Variants in CEP76 observed in about 807,000 individuals in gnomAD.
The protein encoded by CEP76 is centrosomal protein of 76 kDa.
CEP76 carries 55 observed loss-of-function variants against 83.3 expected under a neutral mutation model. The ratio of observed to expected loss-of-function variants is 0.66; its 90% CI spans 0.53 to 0.83. The LOEUF is 0.83. Among genes scored for constraint, CEP76 ranks in the 40% least tolerant of loss-of-function variants. The probability of loss-of-function intolerance (pLI) is 0.00; values close to 1 mark genes in which losing one functional copy is unlikely to be tolerated. For synonymous variants in CEP76, 270 were observed against 274.5 expected (o/e 0.98, Z 0.16); for missense variants, 694 against 799.5 (o/e 0.87, Z 1.59).
chr18:12,668,086 G>A (rs1487028434), downstream of CEP76, among the ~76,000 whole-genome samples: 5 of 151,926 alleles, frequency 3.3e-5, no homozygotes, highest in Admixed American at 1.3e-4. Flanking sequence ...CCAACATGGT[G>A]AGACCCTGTC....
chr18:12,687,683 C>T (rs2039591638), intron 7 of CEP76, among the ~76,000 whole-genome samples: 1 of 151,522 alleles, frequency 6.6e-6, no homozygotes, highest in South Asian at 2.1e-4. Flanking sequence ...AAACTCCTGA[C>T]CTCAAGTGAT....
At chr18:12,688,679 C>T (rs941789859) in intron 7 of CEP76, among the ~76,000 whole-genome samples, 3 of 152,190 alleles carry the variant, frequency 2.0e-5, no homozygotes, top group Non-Finnish European at 2.9e-5. Context: ...GAGAAAATCA[C>T]TAACCATTAT....
At chr18:12,702,256 C>A (rs577959912) in intron 1 of CEP76, among the ~76,000 whole-genome samples, 2 of 152,374 alleles carry the variant, frequency 1.3e-5, no homozygotes, top group South Asian at 4.1e-4. Context: ...CAAGACCGCT[C>A]GTTCTATCGC....
rs1568035395 is a variant in CEP76 at position 12,700,963 on chromosome 18, CAAAAT to C, written c.209_213del (p.Asn70SerfsTer3). 6.2e-7 allele frequency: 1 copy of C among 1,612,162 alleles called. No individual in the cohort carries two copies. The highest frequency in any genetic ancestry group is 1.7e-5 in the Admixed American group (1 of 59,808). On this transcript the variant is annotated frameshift_variant, in exon 2 of 12. Transcript: ENST00000262127. LOFTEE classifies it high-confidence loss of function. ...TTCCCTAAAAGATTACTCACAGTAACAAAATTAAGTTCTTTCATCACATCGTCAAT... is the reference window on the plus strand; with the variant it reads ...TTCCCTAAAAGATTACTCACAGTAACTAAGTTCTTTCATCACATCGTCAAT...
chr18:12,677,721 A>C (rs1051279745), intron 10 of CEP76, among the ~76,000 whole-genome samples: 8 of 152,116 alleles, frequency 5.3e-5, no homozygotes, highest in African/African-American at 1.9e-4. Context: ...AGCCTCCCAA[A>C]GTGCTGGGGT....
chr18:12,699,586 C>T (rs1331119804), intron 3 of CEP76, among the ~76,000 whole-genome samples: 2 of 152,140 alleles, frequency 1.3e-5, no homozygotes, highest in African/African-American at 2.4e-5. Context: ...CAAGGCTGTA[C>T]AGTTTTTATA....
At chr18:12,692,298 AGAGT>A in intron 6 of CEP76, 1 of 151,450 alleles carries the variant, frequency 6.6e-6, no homozygotes, top group East Asian at 2.0e-4. Flanking sequence ...CCTGGGCGAT[AGAGT>A]GAGACTCTAT....
chr18:12,686,904 C>T (rs1376526904), intron 7 of CEP76, among the ~76,000 whole-genome samples: 1 of 152,072 alleles, frequency 6.6e-6, no homozygotes, highest in Non-Finnish European at 1.5e-5. Flanking sequence ...TAGTTTGTTT[C>T]CATTAGGGCC....
intron 5 of CEP76, among the ~76,000 whole-genome samples, chr18:12,696,638 T>C (rs759706449): frequency 6.6e-6 from 1 of 152,208 alleles, no homozygotes; most frequent in Non-Finnish European, 1.5e-5. Context: ...AGGTTTTGTT[T>C]TCTCATTTTA....
Position 12,686,395 on chromosome 18 carries a change from C to A in CEP76, c.989G>T (p.Gly330Val). The A allele has an allele frequency of 1.2e-6, 2 of 1,614,056 alleles. No individual in the cohort carries two copies. The highest frequency in any genetic ancestry group is 1.7e-6 in the Non-Finnish European group (2 of 1,179,968). The change falls in exon 8 of 12, where the codon GGA becomes GTA. Residue 330 changes from glycine (G) to valine (V), a missense_variant. Gly to Val is a moderately radical substitution (Grantham distance 109, BLOSUM62 -3). Coordinates refer to ENST00000262127, the MANE Select transcript of CEP76 (RefSeq NM_024899.4). Reference sequence around the variant, plus strand: ...TTGCCTTGGAGTATCAAGAAGCCGTCCAGCTCGAAGTGGTTTAACATAGGA... The same window carrying A: ...TTGCCTTGGAGTATCAAGAAGCCGTACAGCTCGAAGTGGTTTAACATAGGA... ...VCSYVKPLRA[G>V]RLLDTPRQAA...
At chr18:12,695,046 T>A (rs942823201) in intron 6 of CEP76, among the ~76,000 whole-genome samples, 3 of 152,178 alleles carry the variant, frequency 2.0e-5, no homozygotes, top group Admixed American at 6.6e-5. Flanking sequence ...TAAATGTTCA[T>A]CGTATTTCCT....
At chr18:12,689,545 T>G (rs1034507809) in intron 7 of CEP76, among the ~76,000 whole-genome samples, 2 of 152,158 alleles carry the variant, frequency 1.3e-5, no homozygotes, top group African/African-American at 4.8e-5. Context: ...ATGGTTCAAA[T>G]CTTAAAATGA....
intron 6 of CEP76, among the ~76,000 whole-genome samples, chr18:12,693,777 G>A (rs910965239): frequency 6.6e-6 from 1 of 151,990 alleles, no homozygotes; most frequent in African/African-American, 2.4e-5. Context: ...GCGAGACTCT[G>A]TCTGAAAAAA....
At chr18:12,675,828 C>T (rs999149746) in intron 10 of CEP76, among the ~76,000 whole-genome samples, 2 of 151,912 alleles carry the variant, frequency 1.3e-5, no homozygotes, top group African/African-American at 2.4e-5. Flanking sequence ...GCCACCATGC[C>T]CGGCTAATTT....
In CEP76 at chr18:12,697,333, G is replaced by C; in HGVS notation, c.596C>G (p.Thr199Arg). 2 of 1,613,694 alleles carry C rather than the reference G, an allele frequency of 1.2e-6. No individual in the cohort carries two copies. Among genetic ancestry groups the C allele is most frequent in the Non-Finnish European group, 8.5e-7 (1 of 1,179,722 alleles). ...SDPIHMVLIKTDIFGETTLVA... is the reference protein window; with the variant it reads ...SDPIHMVLIKRDIFGETTLVA... Reference sequence around the variant, plus strand: ...TAAAGTCGTCTCACCAAATATGTCTGTTTTGATTAGCACCATATGAATTGG... The same window carrying C: ...TAAAGTCGTCTCACCAAATATGTCTCTTTTGATTAGCACCATATGAATTGG... Residue 199 changes from threonine (T) to arginine (R), a missense_variant, in exon 5 of 12, where the codon ACA (threonine) becomes AGA (arginine). Physicochemically the swap from Thr to Arg is moderately conservative, Grantham distance 71. Coordinates refer to ENST00000262127, the MANE Select transcript of CEP76 (RefSeq NM_024899.4).
chr18:12,698,786 C>T lies in CEP76; in HGVS notation c.520+193G>A, dbSNP rs951423655. On this transcript the variant is annotated intron_variant, in intron 4 of 11. Coordinates refer to ENST00000262127, the MANE Select transcript of CEP76 (RefSeq NM_024899.4). ...ATGAAAACAGTCAAAAAATAATATCCAGGGAAAATGAATAGCAAACAGAAT... is the reference window on the plus strand; with the variant it reads ...ATGAAAACAGTCAAAAAATAATATCTAGGGAAAATGAATAGCAAACAGAAT... 5.3e-6 allele frequency: 3 copies of T among 565,826 alleles called. No individual in the cohort carries two copies. The African/African-American group carries it at 5.6e-5, about 11-fold the overall frequency. The allele number at this position is 565,826 out of a possible 1,614,324, so 35.1% of individuals were successfully genotyped here.
intron 12 of CEP76, among the ~76,000 whole-genome samples, chr18:12,666,319 AC>A (rs1304179517): frequency 6.6e-6 from 1 of 151,838 alleles, no homozygotes; most frequent in Non-Finnish European, 1.5e-5. Flanking sequence ...ACAGAGTGAG[AC>A]CCCCAGCTCA....
At chr18:12,699,945 A>G in intron 2 of CEP76, 40 bp from the exon 3 acceptor site, 2 of 1,335,514 alleles carry the variant, frequency 1.5e-6, no homozygotes, top group Non-Finnish European at 2.1e-6. Context: ...AAATTAGAAA[A>G]CAATTATAGG....
intron 10 of CEP76, among the ~76,000 whole-genome samples, chr18:12,675,382 C>T (rs1301974499): frequency 1.3e-5 from 2 of 151,416 alleles, no homozygotes; most frequent in African/African-American, 2.4e-5. Flanking sequence ...GGCAACAGAG[C>T]GAGACTCTGT....
Sources: allele counts gnomAD v4.1 joint callset (sites outside exome capture counted in the v4.1 genomes callset), GRCh38; gene constraint gnomAD v4.1.1; transcripts MANE v1.5; gene names NCBI Gene and HGNC (gene_info 2026-07-23, HGNC 2026-07-21).